The following IFT80 variants were observed in gnomAD, a reference collection of about 807,000 sequenced individuals.
IFT80 encodes the protein intraflagellar transport 80.
IFT80 carries 79 observed loss-of-function variants against 107.9 expected under a neutral mutation model. The observed-to-expected ratio is 0.73, with a 90% confidence interval of 0.61 to 0.88. IFT80 has a LOEUF of 0.88. Ranked by LOEUF, IFT80 falls within the 40% of genes least tolerant of loss-of-function variation. IFT80 has a pLI of 0.00. For missense variants in IFT80, 797 were observed against 914.2 expected (o/e 0.87, Z 1.65); for synonymous variants, 299 against 300.9 (o/e 0.99, Z 0.07).
intron 1 of IFT80, among the ~76,000 whole-genome samples, chr3:160,395,975 T>C (rs1373157152): frequency 2.0e-5 from 3 of 152,112 alleles, no homozygotes; most frequent in Non-Finnish European, 4.4e-5. Context: ...TGCTAGCTTC[T>C]CTCCACTTAC....
intron 10 of IFT80, among the ~76,000 whole-genome samples, chr3:160,306,582 A>C (rs1417212483): frequency 3.9e-5 from 6 of 151,998 alleles, no homozygotes; most frequent in Non-Finnish European, 8.8e-5. Context: ...GCTCTCATGT[A>C]AGGAAAAAAA....
chr3:160,264,599 CT>C (rs567273435), intron 19 of IFT80, among the ~76,000 whole-genome samples: 13,443 of 125,244 alleles, frequency 0.11, 1,940 homozygotes, highest in African/African-American at 0.35. Flanking sequence ...GTCCAGCTAA[CT>C]TTTTTTTTTT....
In IFT80 at chr3:160,375,768, A is replaced by G. The variant is rs577248446; in HGVS notation, c.439+44T>C. 134 of 1,314,990 alleles carry G rather than the reference A, an allele frequency of 1.0e-4. 1 individual carries two copies. In the South Asian group the frequency reaches 1.4e-3, roughly 14 times the overall value. 81.5% of individuals were successfully genotyped at this position (1,314,990 alleles called of 1,614,324 possible). A position where few individuals can be genotyped will look rare whatever the true frequency, so the allele number is the denominator to read the frequency against. Reference sequence around the variant, plus strand: ...AAGGAAAACTTTAAGGCATTTTTGTATTGTATAATTTGCAAAAATGAAATT... The same window carrying G: ...AAGGAAAACTTTAAGGCATTTTTGTGTTGTATAATTTGCAAAAATGAAATT... On this transcript the variant is annotated intron_variant, in intron 5 of 19. Coordinates refer to ENST00000326448, the MANE Select transcript of IFT80 (RefSeq NM_020800.3).
Position 160,307,668 on chromosome 3 carries a change from C to G in IFT80, c.1071G>C (p.Val357=), listed in dbSNP as rs1716924982. The part of the protein sequence containing the change: ...LVVSTSLQCY[V]FSTKNWNTPI... ...AAGAAATGCAAGATGCTTACGAGAACACGTAACATTGAAGAGACGTTGAAA... is the reference window on the plus strand; with the variant it reads ...AAGAAATGCAAGATGCTTACGAGAAGACGTAACATTGAAGAGACGTTGAAA... Residue 357 remains valine, a synonymous_variant, in exon 10 of 20, where the codon GTG becomes GTC. Coordinates refer to ENST00000326448, the MANE Select transcript of IFT80 (RefSeq NM_020800.3). The G allele has an allele frequency of 6.8e-7, 1 of 1,478,540 alleles. No homozygotes were observed. The highest frequency in any genetic ancestry group is 9.5e-7 in the Non-Finnish European group (1 of 1,056,986). 91.6% of individuals were successfully genotyped at this position (1,478,540 alleles called of 1,614,324 possible). A position where few individuals can be genotyped will look rare whatever the true frequency, so the allele number is the denominator to read the frequency against.
intron 5 of IFT80, among the ~76,000 whole-genome samples, chr3:160,370,887 C>T (rs1237985729): frequency 1.3e-5 from 2 of 152,178 alleles, no homozygotes; most frequent in Non-Finnish European, 2.9e-5. Context: ...AAGCCTTAAT[C>T]GCTGCCTTAC....
chr3:160,377,748 G>A (rs183280560), intron 3 of IFT80: 17 of 389,180 alleles, frequency 4.4e-5, no homozygotes, highest in Admixed American at 1.3e-4. Flanking sequence ...ATATGCTTAC[G>A]TGGTTCAAAA....
intron 8 of IFT80, among the ~76,000 whole-genome samples, chr3:160,342,247 T>A (rs565523876): frequency 4.6e-5 from 7 of 152,292 alleles, no homozygotes; most frequent in African/African-American, 1.7e-4. Flanking sequence ...TTTGACTTTG[T>A]AAACTCACCG....
chr3:160,289,721 G>C (rs368112809), intron 12 of IFT80, among the ~76,000 whole-genome samples: 1 of 152,166 alleles, frequency 6.6e-6, no homozygotes, highest in East Asian at 1.9e-4. Flanking sequence ...CAAGAAACCT[G>C]ACCTTCAATT....
At chr3:160,287,163 T>G (rs577697133) in intron 12 of IFT80, among the ~76,000 whole-genome samples, 1 of 152,314 alleles carries the variant, frequency 6.6e-6, no homozygotes, top group African/African-American at 2.4e-5. Context: ...GAAGGTGATG[T>G]GTCCTGAGAG....
chr3:160,381,307 AAACT>A (rs1483786916), intron 3 of IFT80, among the ~76,000 whole-genome samples, 192 bp downstream of exon 3: 2 of 146,766 alleles, frequency 1.4e-5, no homozygotes, highest in Admixed American at 6.8e-5. Context: ...TATGCCAGTT[AAACT>A]AACTTTCTTC....
At chr3:160,337,977 C>T (rs895173366) in intron 8 of IFT80, among the ~76,000 whole-genome samples, 12 of 152,032 alleles carry the variant, frequency 7.9e-5, no homozygotes, top group African/African-American at 1.4e-4. Context: ...TTGCTTTGGG[C>T]GTCATCTTTG....
intron 18 of IFT80, among the ~76,000 whole-genome samples, chr3:160,276,160 G>A (rs145719372): frequency 2.0e-3 from 303 of 152,228 alleles, no homozygotes; most frequent in African/African-American, 6.8e-3. Flanking sequence ...GTGAGCCACT[G>A]TACCTGGCAG....
intron 15 of IFT80, 125 bp from the exon 16 acceptor site, chr3:160,279,489 C>T (rs1046749084): frequency 1.3e-6 from 1 of 751,900 alleles, no homozygotes; most frequent in Non-Finnish European, 2.3e-6. Flanking sequence ...AAGGCACACC[C>T]CCAAAGGTTA....
intron 12 of IFT80, among the ~76,000 whole-genome samples, chr3:160,288,006 G>C (rs1715226514): frequency 6.6e-6 from 1 of 152,198 alleles, no homozygotes; most frequent in South Asian, 2.1e-4. Context: ...GAAGTGTCTA[G>C]AAACTCATCC....
intron 4 of IFT80, among the ~76,000 whole-genome samples, chr3:160,377,090 G>C (rs1712083779): frequency 1.3e-5 from 2 of 152,206 alleles, no homozygotes; most frequent in Non-Finnish European, 2.9e-5. Context: ...TGAATCATTA[G>C]AGTAGGGCAG....
At chr3:160,314,322 C>T (rs918639555) in intron 9 of IFT80, among the ~76,000 whole-genome samples, 24 of 152,204 alleles carry the variant, frequency 1.6e-4, no homozygotes, top group African/African-American at 5.8e-4. Flanking sequence ...AAATGCCTCA[C>T]CCTTTGTACC....
chr3:160,381,266 T>TATATATATATATATATA (rs1553766638), intron 3 of IFT80, among the ~76,000 whole-genome samples: 16 of 70,672 alleles, frequency 2.3e-4, no homozygotes, highest in Middle Eastern at 6.8e-3. Flanking sequence ...ATATATATAT[T>TATATATATATATATATA]AAAGCCAAAG....
intron 8 of IFT80, among the ~76,000 whole-genome samples, chr3:160,340,025 C>G (rs1719781365): frequency 6.6e-6 from 1 of 152,160 alleles, no homozygotes; most frequent in South Asian, 2.1e-4. Context: ...CATAAAGGGC[C>G]ATCTCCTGGG....
chr3:160,349,682 A>C (rs1314911599), intron 8 of IFT80, among the ~76,000 whole-genome samples: 1 of 152,214 alleles, frequency 6.6e-6, no homozygotes, highest in Non-Finnish European at 1.5e-5. Flanking sequence ...GGCTACATTT[A>C]AGGGTAACAT....
Sources: gnomAD v4.1 joint callset for allele counts (sites outside exome capture counted in the v4.1 genomes callset) on GRCh38, gnomAD v4.1.1 for gene constraint, MANE v1.5 for transcripts, NCBI Gene and HGNC (gene_info 2026-07-23, HGNC 2026-07-21) for gene names.